The following ZNF385D variants were observed in gnomAD, a reference collection of about 807,000 sequenced individuals.
ZNF385D encodes zinc finger protein 385D, also known as zinc finger protein 659.
ZNF385D carries 15 observed loss-of-function variants against 35.8 expected under a neutral mutation model. That is an observed-to-expected ratio of 0.42 (90% CI 0.28 to 0.64). ZNF385D has a LOEUF of 0.64. Among genes scored for constraint, ZNF385D ranks in the 30% least tolerant of loss-of-function variants. The pLI is 0.23. For missense variants in ZNF385D, 474 were observed against 494.6 expected (o/e 0.96, Z 0.39); for synonymous variants, 212 against 186.8 (o/e 1.13, Z -1.10).
intron 2 of ZNF385D, among the ~76,000 whole-genome samples, chr3:22,248,882 T>C (rs1263291470): frequency 6.6e-6 from 1 of 152,180 alleles, no homozygotes; most frequent in African/African-American, 2.4e-5. Flanking sequence ...TCATGAAGCC[T>C]GTGCATATTT....
At chr3:21,795,852 G>A (rs2125672925) in intron 3 of ZNF385D, among the ~76,000 whole-genome samples, 1 of 152,264 alleles carries the variant, frequency 6.6e-6, no homozygotes, top group South Asian at 2.1e-4. Context: ...ATTCTCAATG[G>A]CAAACAGAAA....
chr3:21,913,740 T>C (rs1439910813), intron 3 of ZNF385D, among the ~76,000 whole-genome samples: 2 of 152,142 alleles, frequency 1.3e-5, no homozygotes, highest in East Asian at 1.9e-4. Flanking sequence ...AACTCTTATT[T>C]GGTGAGGATT....
intron 4 of ZNF385D, among the ~76,000 whole-genome samples, chr3:21,443,503 C>A (rs1488606794): frequency 1.3e-5 from 2 of 152,096 alleles, no homozygotes; most frequent in African/African-American, 2.4e-5. Flanking sequence ...GTTGTATATG[C>A]AAGAGTAATA....
At chr3:22,352,990 G>C (rs7644804) in intron 2 of ZNF385D, among the ~76,000 whole-genome samples, 48,360 of 151,974 alleles carry the variant, frequency 0.32, 8,525 homozygotes, top group African/African-American at 0.45. Flanking sequence ...CTCATCTTAT[G>C]TCACGATGTC....
At chr3:21,754,141 G>C (rs191143925), upstream of ZNF385D, among the ~76,000 whole-genome samples, 5 of 152,276 alleles carry the variant, frequency 3.3e-5, no homozygotes, top group Admixed American at 6.5e-5. Context: ...GAACATGGTA[G>C]TACACACATT....
At chr3:22,234,787 T>G (rs1282453287) in intron 2 of ZNF385D, among the ~76,000 whole-genome samples, 2 of 152,040 alleles carry the variant, frequency 1.3e-5, no homozygotes, top group Non-Finnish European at 2.9e-5. Context: ...TGAAATATAT[T>G]TCTATAATGG....
rs115830677 is a variant in ZNF385D, at chr3:22,253,975, C to A, written c.107-84940G>T. On this transcript the variant is annotated intron_variant, in intron 2 of 5. Coordinates refer to the ZNF385D transcript ENST00000494108. ...ATACCAATTCTTTCTAATCCTTTTC[C>A]AAGAAAGAAATGATAGAAATTTTGG... 2.6e-3 allele frequency among the ~76,000 whole-genome samples: 388 copies of A among 151,904 alleles called. 6 individuals carry two copies. Among genetic ancestry groups the A allele is most frequent in the African/African-American group, 8.6e-3 (356 of 41,492 alleles).
chr3:21,544,154 C>G (rs1474723484), intron 3 of ZNF385D, among the ~76,000 whole-genome samples: 1 of 152,082 alleles, frequency 6.6e-6, no homozygotes, highest in African/African-American at 2.4e-5. Flanking sequence ...AAAAACAGCC[C>G]TAAAGACTTA....
intron 3 of ZNF385D, among the ~76,000 whole-genome samples, chr3:21,910,070 T>C (rs1416826888): frequency 7.4e-6 from 1 of 134,956 alleles, no homozygotes; most frequent in Non-Finnish European, 1.6e-5. Flanking sequence ...TAGCTGTGGG[T>C]TAAACATATA....
At chr3:22,336,028 A>G (rs1268615926) in intron 2 of ZNF385D, among the ~76,000 whole-genome samples, 3 of 152,002 alleles carry the variant, frequency 2.0e-5, no homozygotes, top group African/African-American at 4.8e-5. Context: ...ATTCTATTCA[A>G]AAACTAGCGC....
chr3:22,101,057 G>A (rs1265009545), intron 3 of ZNF385D, among the ~76,000 whole-genome samples: 1 of 151,920 alleles, frequency 6.6e-6, no homozygotes, highest in African/African-American at 2.4e-5. Context: ...TGAGGTACCT[G>A]AGCAAGAAGT....
chr3:21,666,044 G>C (rs1295525974), intron 1 of ZNF385D, among the ~76,000 whole-genome samples: 3 of 152,174 alleles, frequency 2.0e-5, no homozygotes, highest in Non-Finnish European at 4.4e-5. Context: ...TAACAGTAAA[G>C]AATTCTAGGA....
chr3:21,597,554 A>C (rs1465327362), intron 2 of ZNF385D, among the ~76,000 whole-genome samples: 1 of 152,154 alleles, frequency 6.6e-6, no homozygotes, highest in Non-Finnish European at 1.5e-5. Context: ...TAAATGGAAA[A>C]CAGTTTTAAA....
intron 4 of ZNF385D, among the ~76,000 whole-genome samples, chr3:21,447,067 T>A (rs1181898594): frequency 6.6e-6 from 1 of 152,182 alleles, no homozygotes; most frequent in African/African-American, 2.4e-5. Flanking sequence ...CCAAAATAAA[T>A]TAATCCAAAC....
At chr3:21,887,814 G>A (rs1001959730) in intron 3 of ZNF385D, among the ~76,000 whole-genome samples, 30 of 151,890 alleles carry the variant, frequency 2.0e-4, no homozygotes, top group African/African-American at 7.0e-4. Context: ...ATATCACTAA[G>A]AATATGTCAG....
At chr3:22,008,661 C>A (rs1165025486) in intron 3 of ZNF385D, among the ~76,000 whole-genome samples, 1 of 151,988 alleles carries the variant, frequency 6.6e-6, no homozygotes, top group Non-Finnish European at 1.5e-5. Context: ...CAGCCCGGGC[C>A]ATGCTTTTCT....
chr3:21,639,196 C>T (rs1274503408), intron 2 of ZNF385D, among the ~76,000 whole-genome samples: 1 of 151,954 alleles, frequency 6.6e-6, no homozygotes, highest in East Asian at 1.9e-4. Flanking sequence ...TGTATCTCTT[C>T]CCTGCTTTAT....
intron 2 of ZNF385D, among the ~76,000 whole-genome samples, chr3:22,188,183 C>G (rs905823672): frequency 6.6e-6 from 1 of 152,066 alleles, no homozygotes; most frequent in African/African-American, 2.4e-5. Flanking sequence ...AAAGTTTATT[C>G]TGTGGACAAA....
intron 2 of ZNF385D, among the ~76,000 whole-genome samples, chr3:22,176,000 A>G (rs1469305797): frequency 6.6e-6 from 1 of 151,226 alleles, no homozygotes; most frequent in Non-Finnish European, 1.5e-5. Flanking sequence ...TTTCACTATT[A>G]AAATTGTAAA....
Sources: gnomAD v4.1 joint callset for allele counts (sites outside exome capture counted in the v4.1 genomes callset) on GRCh38, gnomAD v4.1.1 for gene constraint, MANE v1.5 for transcripts, NCBI Gene and HGNC (gene_info 2026-07-23, HGNC 2026-07-21) for gene names.